Variants in PLD1 observed in about 807,000 individuals in gnomAD.
PLD1 encodes the protein phospholipase D1, also known as choline phosphatase 1.
A neutral mutation model predicts 137.1 loss-of-function variants in PLD1; 112 were observed. The ratio of observed to expected loss-of-function variants is 0.82; its 90% CI spans 0.70 to 0.96. The LOEUF (loss-of-function observed/expected upper bound fraction) is 0.96, where lower values mean the gene tolerates loss of function less well. PLD1 is among the 40% of genes least tolerant of loss of function. PLD1 has a pLI of 0.00. For missense variants in PLD1, 1,321 were observed against 1,342.0 expected, an observed-to-expected ratio of 0.98 and a Z score of 0.24; for synonymous variants, 431 against 454.7, an observed-to-expected ratio of 0.95 and a Z score of 0.66.
chr3:171,652,928 A>G (rs1736911119), intron 21 of PLD1, among the ~76,000 whole-genome samples: 2 of 151,914 alleles, frequency 1.3e-5, no homozygotes, highest in African/African-American at 4.8e-5. Context: ...TCAATTTTTT[A>G]TATTTCAAAA....
At chr3:171,702,292 C>T (rs1173519642) in intron 11 of PLD1, among the ~76,000 whole-genome samples, 1 of 152,042 alleles carries the variant, frequency 6.6e-6, no homozygotes, top group Non-Finnish European at 1.5e-5. Context: ...TTGAGACCAG[C>T]TTGGGCAACA....
intron 1 of PLD1, among the ~76,000 whole-genome samples, chr3:171,778,216 G>A (rs1271991709): frequency 6.6e-6 from 1 of 151,974 alleles, no homozygotes; most frequent in Non-Finnish European, 1.5e-5. Flanking sequence ...TCATTTTTCA[G>A]GTGATGAAAA....
At chr3:171,719,063 T>C (rs1011129610) in intron 8 of PLD1, among the ~76,000 whole-genome samples, 4 of 152,168 alleles carry the variant, frequency 2.6e-5, no homozygotes, top group Non-Finnish European at 5.9e-5. Context: ...TGTTAGTCAA[T>C]GTTGGTTCTT....
chr3:171,689,778 A>ACG (rs1714963421), intron 13 of PLD1, among the ~76,000 whole-genome samples: 1 of 152,198 alleles, frequency 6.6e-6, no homozygotes, highest in Non-Finnish European at 1.5e-5. Flanking sequence ...CTGGGACTAC[A>ACG]TGCATGAGCC....
At chr3:171,712,310 A>G (rs567071315) in intron 9 of PLD1, among the ~76,000 whole-genome samples, 4 of 152,314 alleles carry the variant, frequency 2.6e-5, no homozygotes, top group African/African-American at 9.6e-5. Context: ...CTAGGGATGG[A>G]GACGAGAGGG....
Position 171,633,307 on chromosome 3 carries a change from T to G in PLD1, c.2593+9533A>C, listed in dbSNP as rs551662280. 2.6e-4 allele frequency among the ~76,000 whole-genome samples: 39 copies of G among 152,214 alleles called. No homozygotes were observed. The South Asian group carries it at 8.1e-3, about 32-fold the overall frequency. On this transcript the variant is annotated intron_variant, in intron 23 of 26. Transcript: ENST00000351298. The stretch of plus-strand genomic sequence containing the variant: ...AGAAACATATGCTTTTTGAAGAAAA[T>G]ATGAGCAAGCCAGGAGCATACATAA...
chr3:171,664,419 T>C (rs904212648), intron 19 of PLD1, among the ~76,000 whole-genome samples: 1 of 152,062 alleles, frequency 6.6e-6, no homozygotes, highest in East Asian at 1.9e-4. Flanking sequence ...AGGCAACGTA[T>C]ACAATTGCAG....
At chr3:171,688,556 C>A in intron 14 of PLD1, 120 bp downstream of exon 14, 2 of 796,698 alleles carry the variant, frequency 2.5e-6, no homozygotes, top group Non-Finnish European at 2.1e-6. Flanking sequence ...TTAAAATGTT[C>A]TTTTCCCCTC....
chr3:171,735,448 C>G (rs911020054), intron 4 of PLD1, 44 bp downstream of exon 4: 5 of 1,541,408 alleles, frequency 3.2e-6, no homozygotes, highest in Non-Finnish European at 4.5e-6. Context: ...AATACACTTT[C>G]CATTCAACTT....
chr3:171,710,872 C>CTGTTTTTTTT (rs1717144871), intron 9 of PLD1, among the ~76,000 whole-genome samples: 1 of 98,614 alleles, frequency 1.0e-5, no homozygotes, highest in African/African-American at 4.7e-5. Flanking sequence ...GAAAACTGTT[C>CTGTTTTTTTT]TTTTTTTTTT....
At chr3:171,679,615 A>G (rs987268905) in intron 16 of PLD1, among the ~76,000 whole-genome samples, 1 of 152,192 alleles carries the variant, frequency 6.6e-6, no homozygotes, top group South Asian at 2.1e-4. Flanking sequence ...ACACATATAC[A>G]CTCATTTAAA....
chr3:171,627,542 T>A (rs1228800796), intron 23 of PLD1, among the ~76,000 whole-genome samples: 2 of 125,920 alleles, frequency 1.6e-5, no homozygotes, highest in Non-Finnish European at 3.3e-5. Flanking sequence ...CCACCCCAAA[T>A]CAACAGAATA....
intron 20 of PLD1, among the ~76,000 whole-genome samples, chr3:171,659,831 CTTCTA>C (rs2108431782): frequency 6.6e-6 from 1 of 152,220 alleles, no homozygotes; most frequent in African/African-American, 2.4e-5. Flanking sequence ...TATCTCTGAA[CTTCTA>C]TTTTAAGTAG....
chr3:171,720,474 C>G (rs900302345), intron 8 of PLD1, among the ~76,000 whole-genome samples: 3 of 151,156 alleles, frequency 2.0e-5, no homozygotes, highest in Non-Finnish European at 2.9e-5. Context: ...CCCAGCTACT[C>G]GGAGAGCCTG....
chr3:171,662,009 A>T (rs763814526), intron 20 of PLD1, 51 bp downstream of exon 20: 5 of 996,274 alleles, frequency 5.0e-6, no homozygotes, highest in Non-Finnish European at 8.0e-6. Context: ...TCTCTGCATG[A>T]TATTTAAGGG....
At chr3:171,664,415 C>T (rs1334728159) in intron 19 of PLD1, among the ~76,000 whole-genome samples, 2 of 151,504 alleles carry the variant, frequency 1.3e-5, no homozygotes, top group Admixed American at 6.6e-5. Flanking sequence ...CTGGAGGCAA[C>T]GTATACAATT....
Position 171,737,982 on chromosome 3 carries a change from T to A in PLD1, c.70A>T (p.Ile24Phe), listed in dbSNP as rs777668070. 6 of 1,614,058 alleles carry A rather than the reference T, an allele frequency of 3.7e-6. No individual in the cohort carries two copies. The highest frequency in any genetic ancestry group is 5.1e-6 in the Non-Finnish European group (6 of 1,179,892). ...LQKIAADMSN[I>F]IENLDTRELH... ...TCCCGCGTGTCCAGATTTTCTATGA[T>A]ATTACTCATGTCAGCAGCAATTTTC... The change falls in exon 2 of 27, where the codon ATC becomes TTC. Residue 24 changes from isoleucine (I) to phenylalanine (F), a missense_variant. Physicochemically the swap from Ile to Phe is conservative, Grantham distance 21 (BLOSUM62 0). Coordinates refer to ENST00000351298, the MANE Select transcript of PLD1 (RefSeq NM_002662.5).
Position 171,605,414 on chromosome 3 carries a change from AC to A in PLD1, c.2884del (p.Val962LeufsTer17). ...TGGGTCATCAAGATAGCCAAGGACAACCCTGAAATACAAGTGACCTCCACAT... is the reference window on the plus strand; with the variant it reads ...TGGGTCATCAAGATAGCCAAGGACAACCTGAAATACAAGTGACCTCCACAT... ...ARGLRLQCFRVVLGYLDDPSE... is the reference protein window; with the variant it reads ...ARGLRLQCFRXVLGYLDDPSE... On this transcript the variant is annotated frameshift_variant and splice_region_variant, in exon 26 of 27. Transcript: ENST00000351298. LOFTEE classifies it high-confidence loss of function. The A allele has an allele frequency of 6.3e-7, 1 of 1,582,960 alleles. No homozygotes were observed. Among genetic ancestry groups the A allele is most frequent in the South Asian group, 1.1e-5 (1 of 90,414 alleles).
chr3:171,764,825 G>GAAAAAGAAAGAA (rs1387154812), intron 1 of PLD1, among the ~76,000 whole-genome samples: 2 of 22,776 alleles, frequency 8.8e-5, no homozygotes, highest in African/African-American at 1.8e-4. Flanking sequence ...AAGAAAGAAA[G>GAAAAAGAAAGAA]AGAAAGAAAG....
Sources: gnomAD v4.1 joint callset for allele counts (sites outside exome capture counted in the v4.1 genomes callset) on GRCh38, gnomAD v4.1.1 for gene constraint, MANE v1.5 for transcripts, NCBI Gene and HGNC (gene_info 2026-07-23, HGNC 2026-07-21) for gene names.